Variants in GPC6 observed in about 807,000 individuals in gnomAD.
The protein encoded by GPC6 is glypican-6.
In GPC6, 14 loss-of-function variants were observed where a neutral mutation model predicts 55.2. The observed-to-expected ratio is 0.25, with a 90% CI of 0.17 to 0.40. GPC6 has a LOEUF of 0.40. Among genes scored for constraint, GPC6 ranks in the 10% least tolerant of loss-of-function variants. The probability of loss-of-function intolerance (pLI) is 1.00; values close to 1 mark genes in which losing one functional copy is unlikely to be tolerated. For synonymous variants in GPC6, 278 were observed against 259.6 expected (o/e 1.07, Z -0.68); for missense variants, 641 against 708.5 (o/e 0.90, Z 1.08).
rs372102826 is a variant in GPC6 at position 93,421,591 on chromosome 13, G to T, written c.161-123672G>T. On this transcript the variant is annotated intron_variant, in intron 1 of 8. Transcript: ENST00000377047. ...TGTTTAAAACCATATTGCTTTAAGTGGTGTATAATGCAACATTTATTGAAC... is the reference window on the plus strand; with the variant it reads ...TGTTTAAAACCATATTGCTTTAAGTTGTGTATAATGCAACATTTATTGAAC... Among the ~76,000 whole-genome samples, 27 of 152,090 alleles carry T rather than the reference G, an allele frequency of 1.8e-4. 1 individual carries two copies. Among genetic ancestry groups the T allele is most frequent in the East Asian group, 1.7e-3 (9 of 5,148 alleles).
intron 6 of GPC6, among the ~76,000 whole-genome samples, chr13:94,346,012 A>G (rs1013342624): frequency 3.9e-4 from 60 of 152,232 alleles, no homozygotes; most frequent in Middle Eastern, 3.4e-3. Context: ...ACAACCCTGG[A>G]AAATCCTTGG....
At chr13:94,343,975 C>T (rs1878165727) in intron 6 of GPC6, among the ~76,000 whole-genome samples, 4 of 152,172 alleles carry the variant, frequency 2.6e-5, no homozygotes, top group Non-Finnish European at 5.9e-5. Flanking sequence ...AAGTGAGCCT[C>T]CCGCCTCAGC....
intron 2 of GPC6, among the ~76,000 whole-genome samples, chr13:93,764,697 G>T (rs9524201): frequency 2.6e-5 from 4 of 151,924 alleles, no homozygotes; most frequent in African/African-American, 4.8e-5. Context: ...GAGGCAGAAG[G>T]GGTGCATGGT....
chr13:93,383,342 G>C (rs1218918658), intron 1 of GPC6, among the ~76,000 whole-genome samples: 2 of 152,154 alleles, frequency 1.3e-5, no homozygotes, highest in East Asian at 3.9e-4. Flanking sequence ...CTCCGGAGTA[G>C]CTGGGACAGC....
At chr13:93,362,000 T>C (rs1881057694) in intron 1 of GPC6, among the ~76,000 whole-genome samples, 1 of 152,210 alleles carries the variant, frequency 6.6e-6, no homozygotes, top group African/African-American at 2.4e-5. Context: ...CCTCAGTAAG[T>C]GATGAATTGT....
intron 2 of GPC6, among the ~76,000 whole-genome samples, chr13:93,782,192 T>G (rs1367346999): frequency 6.6e-6 from 1 of 152,230 alleles, no homozygotes; most frequent in African/African-American, 2.4e-5. Flanking sequence ...TTTATCATTC[T>G]GTGCTTGGCC....
At chr13:93,822,254 A>C (rs1887074326) in intron 2 of GPC6, among the ~76,000 whole-genome samples, 1 of 152,070 alleles carries the variant, frequency 6.6e-6, no homozygotes, top group African/African-American at 2.4e-5. Flanking sequence ...CATTTTAACT[A>C]TCCTTTTGTA....
chr13:93,310,777 G>T (rs2139107973), intron 1 of GPC6, among the ~76,000 whole-genome samples: 1 of 152,276 alleles, frequency 6.6e-6, no homozygotes, highest in Non-Finnish European at 1.5e-5. Flanking sequence ...GTGCGCTGTT[G>T]TAACTAATCA....
intron 1 of GPC6, among the ~76,000 whole-genome samples, chr13:93,543,450 A>G (rs1403039838): frequency 6.6e-6 from 1 of 151,948 alleles, no homozygotes; most frequent in Non-Finnish European, 1.5e-5. Flanking sequence ...GGATTTTTGC[A>G]TCAATGTTCA....
chr13:93,762,608 G>A (rs924212710), intron 2 of GPC6, among the ~76,000 whole-genome samples: 4 of 152,154 alleles, frequency 2.6e-5, no homozygotes, highest in Non-Finnish European at 5.9e-5. Flanking sequence ...TGGACTGGCA[G>A]GGAACTTTAA....
chr13:94,159,789 AG>A (rs761209218), intron 4 of GPC6, among the ~76,000 whole-genome samples: 54 of 152,236 alleles, frequency 3.5e-4, no homozygotes, highest in Non-Finnish European at 1.8e-4. Flanking sequence ...ACTAATTAAA[AG>A]GTAAACAATA....
At chr13:93,612,969 T>G (rs977206133) in intron 2 of GPC6, among the ~76,000 whole-genome samples, 1 of 152,168 alleles carries the variant, frequency 6.6e-6, no homozygotes, top group Non-Finnish European at 1.5e-5. Context: ...ATGACTGTTA[T>G]GCTGGAATTC....
intron 1 of GPC6, among the ~76,000 whole-genome samples, chr13:93,408,591 T>C (rs1220834894): frequency 2.6e-5 from 4 of 152,130 alleles, no homozygotes; most frequent in African/African-American, 9.7e-5. Context: ...GGTGGCTGAA[T>C]AGGAAATTGA....
chr13:93,753,082 C>A (rs1884652842), intron 2 of GPC6, among the ~76,000 whole-genome samples: 1 of 152,100 alleles, frequency 6.6e-6, no homozygotes, highest in South Asian at 2.1e-4. Flanking sequence ...TTCTTGCTTG[C>A]GCTCTGGTAG....
At chr13:93,286,034 T>C (rs1392262496) in intron 1 of GPC6, among the ~76,000 whole-genome samples, 1 of 152,152 alleles carries the variant, frequency 6.6e-6, no homozygotes, top group Non-Finnish European at 1.5e-5. Context: ...AGTCCTTGTG[T>C]TAGTCTGTTC....
At chr13:94,162,185 G>A (rs760150125) in intron 4 of GPC6, among the ~76,000 whole-genome samples, 14 of 152,154 alleles carry the variant, frequency 9.2e-5, no homozygotes, top group Non-Finnish European at 1.9e-4. Context: ...AAGAGAGAAA[G>A]TAAGCTGCCG....
At chr13:93,951,798 T>C (rs1412741604) in intron 3 of GPC6, among the ~76,000 whole-genome samples, 1 of 152,158 alleles carries the variant, frequency 6.6e-6, no homozygotes, top group Non-Finnish European at 1.5e-5. Flanking sequence ...GAATTTTTTT[T>C]ATAAGAGAAC....
chr13:94,009,682 T>C (rs1882164349), intron 3 of GPC6, among the ~76,000 whole-genome samples: 1 of 152,038 alleles, frequency 6.6e-6, no homozygotes, highest in Admixed American at 6.6e-5. Context: ...CCCTACATAA[T>C]AGGAGAACAG....
chr13:93,227,879 A>C lies in GPC6; in HGVS notation c.160+263A>C, dbSNP rs1288745482. On this transcript the variant is annotated intron_variant, in intron 1 of 8. Transcript: ENST00000377047. The surrounding 1 kb of genome is among the most constrained non-coding windows in gnomAD (Gnocchi z 4.3). ...CCTCCCGCTGCTCTCGCGCCCTTCT[A>C]CCCCTTAGTTGATGGCTCAGGCCCG... Among the ~76,000 whole-genome samples, 1 of 151,584 alleles carries C rather than the reference A, an allele frequency of 6.6e-6. No individual in the cohort carries two copies. Among genetic ancestry groups the C allele is most frequent in the Non-Finnish European group, 1.5e-5 (1 of 67,904 alleles).
Sources: allele counts gnomAD v4.1 joint callset (sites outside exome capture counted in the v4.1 genomes callset), GRCh38; gene constraint gnomAD v4.1.1; non-coding constraint Gnocchi (gnomAD v3.1); transcripts MANE v1.5; gene names NCBI Gene and HGNC (gene_info 2026-07-23, HGNC 2026-07-21).